Variants in ANKRD12 observed in about 807,000 individuals in gnomAD.
The protein encoded by ANKRD12 is ankyrin repeat domain-containing protein 12.
Under a neutral mutation model 183.4 loss-of-function variants are expected in ANKRD12, and 85 were observed. That is an observed-to-expected ratio of 0.46 (90% CI 0.39 to 0.56). ANKRD12 has a LOEUF of 0.56. Ranked by LOEUF, ANKRD12 falls within the 20% of genes least tolerant of loss-of-function variation. ANKRD12 has a pLI of 0.00. For synonymous variants in ANKRD12, 914 were observed against 800.2 expected, an observed-to-expected ratio of 1.14 and a Z score of -2.40; for missense variants, 2,405 against 2,357.1, an observed-to-expected ratio of 1.02 and a Z score of -0.42.
rs142186514 is a variant in ANKRD12, at chr18:9,138,525, AAAACAAAC to A, written c.-52+1576_-52+1583del. 6.4e-3 allele frequency among the ~76,000 whole-genome samples: 970 copies of A among 152,240 alleles called. 9 individuals are homozygous for A. Among genetic ancestry groups the A allele is most frequent in the African/African-American group, 0.022 (893 of 41,496 alleles). On this transcript the variant is annotated intron_variant, in intron 1 of 12. Coordinates refer to ENST00000262126, the MANE Select transcript of ANKRD12 (RefSeq NM_015208.5). Reference sequence around the variant, plus strand: ...CGAAACTCCGTCGCAAAAACATACCAAAACAAACAAACAAACAAACAAAAAAACATATG... The same window carrying A: ...CGAAACTCCGTCGCAAAAACATACCAAAACAAACAAACAAAAAAACATATG...
chr18:9,239,547 A>G, intron 8 of ANKRD12: 2 of 1,282,142 alleles, frequency 1.6e-6, no homozygotes, highest in Non-Finnish European at 2.0e-6. Context: ...GAATGATACA[A>G]AAATCATCAG....
At chr18:9,214,110 A>G (rs547521419) in intron 6 of ANKRD12, among the ~76,000 whole-genome samples, 3 of 152,002 alleles carry the variant, frequency 2.0e-5, no homozygotes, top group African/African-American at 4.8e-5. Flanking sequence ...GATTTGGAAC[A>G]ATTTGGAAAA....
chr18:9,255,933 A>G lies in ANKRD12; in HGVS notation c.2666A>G (p.Lys889Arg), dbSNP rs1194105072. The change falls in exon 9 of 13, where the codon AAA becomes AGA. Residue 889 changes from lysine to arginine, a missense_variant. Transcript: ENST00000262126. The stretch of plus-strand genomic sequence containing the variant: ...TGCCATAAAGAAGGTGAGAAGAGCA[A>G]AAATACTGCTGCTATTAAAAAAACT... ...EKCHKEGEKS[K>R]NTAAIKKTDD... The G allele has an allele frequency of 8.2e-6, 13 of 1,588,088 alleles. No homozygotes were observed. The highest frequency in any genetic ancestry group is 1.0e-5 in the Non-Finnish European group (12 of 1,173,110).
chr18:9,196,314 A>G (rs1392280337), intron 3 of ANKRD12, among the ~76,000 whole-genome samples: 1 of 152,034 alleles, frequency 6.6e-6, no homozygotes, highest in Non-Finnish European at 1.5e-5. Flanking sequence ...AGCCAATCCC[A>G]GTTATTCATA....
intron 10 of ANKRD12, among the ~76,000 whole-genome samples, chr18:9,264,680 C>G (rs1310518137): frequency 6.6e-6 from 1 of 152,298 alleles, no homozygotes; most frequent in East Asian, 1.9e-4. Context: ...ACAGAATTTA[C>G]AACACTGCAT....
chr18:9,246,898 G>A (rs6506648), intron 8 of ANKRD12, among the ~76,000 whole-genome samples: 120,532 of 152,072 alleles, frequency 0.79, 47,970 homozygotes, highest in Middle Eastern at 0.88. Context: ...TGGCAGAGCA[G>A]AGATTTGAAC....
At position 9,257,474 on chromosome 18, in the gene ANKRD12, G is replaced by T; in HGVS notation, c.4207G>T (p.Val1403Leu). The change falls in exon 9 of 13, where the codon GTG becomes TTG. Residue 1403 changes from valine to leucine, a missense_variant. Coordinates refer to ENST00000262126, the MANE Select transcript of ANKRD12 (RefSeq NM_015208.5). ...APVNTVMDSPVHLEPSSQVGV... is the reference protein window; with the variant it reads ...APVNTVMDSPLHLEPSSQVGV... ...AGTGAACACTGTAATGGACAGTCCA[G>T]TGCATTTAGAGCCATCTAGTCAGGT... The T allele has an allele frequency of 6.2e-7, 1 of 1,614,068 alleles. No individual in the cohort carries two copies. The highest frequency in any genetic ancestry group is 2.2e-5 in the East Asian group (1 of 44,880).
chr18:9,230,048 GTTC>G (rs1244619388), intron 8 of ANKRD12, among the ~76,000 whole-genome samples: 1 of 152,058 alleles, frequency 6.6e-6, no homozygotes, highest in Non-Finnish European at 1.5e-5. Flanking sequence ...ATTGGTGTTA[GTTC>G]TTCTTTGTAC....
chr18:9,241,197 C>T (rs1343852998), intron 8 of ANKRD12, among the ~76,000 whole-genome samples: 1 of 152,020 alleles, frequency 6.6e-6, no homozygotes, highest in Non-Finnish European at 1.5e-5. Context: ...GAGGTTACAT[C>T]GGGTGTTTTT....
rs758109016 is a variant in ANKRD12, at chr18:9,280,976, G to A, written c.6039G>A (p.Ala2013=). 2.9e-5 allele frequency: 46 copies of A among 1,613,362 alleles called. No individual in the cohort carries two copies. The East Asian group carries it at 4.5e-4, about 16-fold the overall frequency. Residue 2013 remains alanine (A), a synonymous_variant, in exon 13 of 13, where the codon GCG becomes GCA. Transcript: ENST00000262126. Reference sequence around the variant, plus strand: ...TAATGAGGCAACAACATGAAGCTGCGGCTTTAAATGCTGTCCAGAGGTTAG... The same window carrying A: ...TAATGAGGCAACAACATGAAGCTGCAGCTTTAAATGCTGTCCAGAGGTTAG... ...CLLMRQQHEA[A]ALNAVQRLEW... is the part of the protein sequence containing the mutation.
Position 9,144,871 on chromosome 18 carries a change from A to T in ANKRD12, c.-52+7906A>T, listed in dbSNP as rs78559477. Reference sequence around the variant, plus strand: ...AATTTGCATATCATATTAATTATGTATGTATTTGTATGTATGTAATACATA... The same window carrying T: ...AATTTGCATATCATATTAATTATGTTTGTATTTGTATGTATGTAATACATA... On this transcript the variant is annotated intron_variant, in intron 1 of 12. Coordinates refer to ENST00000262126, the MANE Select transcript of ANKRD12 (RefSeq NM_015208.5). 9.9e-3 allele frequency among the ~76,000 whole-genome samples: 1,505 copies of T among 151,908 alleles called. 31 individuals carry two copies. The highest frequency in any genetic ancestry group is 0.035 in the African/African-American group (1,443 of 41,484).
intron 8 of ANKRD12, among the ~76,000 whole-genome samples, chr18:9,246,075 A>G (rs2037946078): frequency 6.6e-6 from 1 of 152,224 alleles, no homozygotes. Flanking sequence ...TGAATGAGAC[A>G]ATTTATAGAA....
At chr18:9,253,269 G>A (rs913809289) in intron 8 of ANKRD12, among the ~76,000 whole-genome samples, 2 of 152,174 alleles carry the variant, frequency 1.3e-5, no homozygotes, top group East Asian at 1.9e-4. Flanking sequence ...TTGCTCTATT[G>A]TGCTACTGAA....
At chr18:9,212,230 A>T (rs1413810603) in intron 6 of ANKRD12, among the ~76,000 whole-genome samples, 1 of 152,072 alleles carries the variant, frequency 6.6e-6, no homozygotes, top group Non-Finnish European at 1.5e-5. Flanking sequence ...CAGTAAAAGT[A>T]TGTAGGGAAC....
intron 7 of ANKRD12, among the ~76,000 whole-genome samples, chr18:9,219,280 G>A (rs971545596): frequency 2.6e-5 from 4 of 152,128 alleles, no homozygotes; most frequent in African/African-American, 7.2e-5. Flanking sequence ...TAGGGCTCTA[G>A]TCTAAGGAAA....
intron 8 of ANKRD12, among the ~76,000 whole-genome samples, chr18:9,237,311 G>A (rs971225382): frequency 2.6e-5 from 4 of 152,204 alleles, no homozygotes; most frequent in Non-Finnish European, 4.4e-5. Context: ...ATTGGTCAAA[G>A]ATTGATGGTC....
intron 8 of ANKRD12, among the ~76,000 whole-genome samples, chr18:9,247,659 A>C (rs2038041669): frequency 6.6e-6 from 1 of 152,070 alleles, no homozygotes; most frequent in African/African-American, 2.4e-5. Context: ...TAATCTATAG[A>C]TATTCCCCCT....
At chr18:9,211,854 C>T in intron 6 of ANKRD12, 70 bp downstream of exon 6, 2 of 1,288,812 alleles carry the variant, frequency 1.6e-6, no homozygotes, top group Non-Finnish European at 2.2e-6. Context: ...ACAATTTAAT[C>T]TACATTCTTT....
At chr18:9,163,733 T>C (rs1223750229) in intron 1 of ANKRD12, among the ~76,000 whole-genome samples, 1 of 152,198 alleles carries the variant, frequency 6.6e-6, no homozygotes, top group Non-Finnish European at 1.5e-5. Flanking sequence ...TACTTCTCCT[T>C]GAAGAGGTCC....
Sources: allele counts gnomAD v4.1 joint callset (sites outside exome capture counted in the v4.1 genomes callset), GRCh38; gene constraint gnomAD v4.1.1; transcripts MANE v1.5; gene names NCBI Gene and HGNC (gene_info 2026-07-23, HGNC 2026-07-21).